MCTP2: variants seen among roughly 807,000 people sequenced by gnomAD.
MCTP2 encodes the protein multiple C2 and transmembrane domain containing 2.
Under a neutral mutation model 111.6 loss-of-function variants are expected in MCTP2, and 132 were observed. The ratio of observed to expected loss-of-function variants is 1.18; its 90% CI spans 1.03 to 1.37. The LOEUF is 1.37. MCTP2 is among the 40% of genes most tolerant of loss of function. The pLI, the probability that MCTP2 is intolerant of heterozygous loss-of-function variation, is 0.00. For missense variants in MCTP2, 1,183 were observed against 1,067.9 expected (o/e 1.11, Z -1.50); for synonymous variants, 395 against 387.7 (o/e 1.02, Z -0.22).
chr15:94,361,096 T>G lies in MCTP2; in HGVS notation c.1301+2484T>G, dbSNP rs912880269. 2.2e-5 allele frequency among the ~76,000 whole-genome samples: 3 copies of G among 137,358 alleles called. No individual in the cohort carries two copies. In the South Asian group the frequency reaches 7.2e-4, roughly 33 times the overall value. The allele number at this position is 137,358 out of a possible 152,430, so 90.1% of individuals were successfully genotyped here. A position where few individuals can be genotyped will look rare whatever the true frequency, so the allele number is the denominator to read the frequency against. On this transcript the variant is annotated intron_variant, in intron 10 of 22. Coordinates refer to ENST00000357742, the MANE Select transcript of MCTP2 (RefSeq NM_001385001.1). ...TTAAATATTTCAAGTTTTTTTTTTT[T>G]TTTTTTTTTTTTTTTTTTTTTAACA...
intron 5 of MCTP2, among the ~76,000 whole-genome samples, chr15:94,339,755 A>G (rs981759747): frequency 6.6e-6 from 1 of 152,222 alleles, no homozygotes; most frequent in African/African-American, 2.4e-5. Flanking sequence ...TAGAGCTTCA[A>G]GCTACCCCTT....
chr15:94,287,822 A>C (rs1172218395), intron 1 of MCTP2, among the ~76,000 whole-genome samples: 1 of 152,172 alleles, frequency 6.6e-6, no homozygotes, highest in Non-Finnish European at 1.5e-5. Flanking sequence ...ATCCAGCGTG[A>C]ATTTAATGCA....
chr15:94,471,175 A>G (rs2152540798), intron 21 of MCTP2, among the ~76,000 whole-genome samples: 1 of 152,328 alleles, frequency 6.6e-6, no homozygotes, highest in Middle Eastern at 3.4e-3. Context: ...AGGGAACTGC[A>G]ATAACTGAAA....
intron 8 of MCTP2, among the ~76,000 whole-genome samples, chr15:94,352,290 G>C (rs2152419612): frequency 1.3e-5 from 2 of 152,306 alleles, no homozygotes; most frequent in South Asian, 4.1e-4. Context: ...TGTTTTCAAA[G>C]CTCTTTTACA....
At chr15:94,266,585 C>T (rs2073548664) in intron 1 of MCTP2, among the ~76,000 whole-genome samples, 1 of 152,048 alleles carries the variant, frequency 6.6e-6, no homozygotes, top group Non-Finnish European at 1.5e-5. Context: ...TTCTCCCTGC[C>T]CACACTGAGG....
intron 2 of MCTP2, among the ~76,000 whole-genome samples, chr15:94,307,378 A>T (rs1363786341): frequency 2.0e-5 from 3 of 152,146 alleles, no homozygotes; most frequent in Non-Finnish European, 4.4e-5. Context: ...GGTTGTGTGC[A>T]TAGCTAGAGA....
intron 1 of MCTP2, among the ~76,000 whole-genome samples, chr15:94,257,566 GTTGTTTTTTTTTTTTT>G (rs780095627): frequency 0.015 from 1,131 of 72,986 alleles, 98 homozygotes; most frequent in Non-Finnish European, 0.022. Context: ...CATTTTCTTT[GTTGTTTTTTTTTTTTT>G]TTTTTTTTTT....
intron 20 of MCTP2, among the ~76,000 whole-genome samples, chr15:94,469,077 A>G (rs293583): frequency 5.9e-5 from 9 of 152,344 alleles, no homozygotes; most frequent in Non-Finnish European, 1.2e-4. Context: ...CATTCTAAAT[A>G]TGTGAACAAT....
At chr15:94,447,443 G>A (rs1013029694) in intron 19 of MCTP2, among the ~76,000 whole-genome samples, 7 of 152,250 alleles carry the variant, frequency 4.6e-5, no homozygotes, top group Non-Finnish European at 7.3e-5. Flanking sequence ...TGCCCGGGCA[G>A]GAGTGCAGTG....
intron 19 of MCTP2, among the ~76,000 whole-genome samples, chr15:94,455,368 G>T (rs1226110444): frequency 1.3e-5 from 2 of 151,856 alleles, no homozygotes; most frequent in African/African-American, 2.4e-5. Context: ...AATAGATTGA[G>T]AATATTGTCC....
At chr15:94,478,817 A>T in intron 22 of MCTP2, 149 bp from the exon 23 acceptor site, 1 of 643,250 alleles carries the variant, frequency 1.6e-6, no homozygotes. Context: ...CCTGCAATTA[A>T]TCCCTCCATG....
chr15:94,433,504 G>T (rs568351342), intron 17 of MCTP2, among the ~76,000 whole-genome samples: 3 of 152,220 alleles, frequency 2.0e-5, no homozygotes, highest in Non-Finnish European at 4.4e-5. Context: ...CTACTGTGTG[G>T]ATATATTCAC....
chr15:94,401,035 G>A lies in MCTP2; in HGVS notation c.1966-865G>A, dbSNP rs199534640. On this transcript the variant is annotated intron_variant, in intron 16 of 22. Transcript: ENST00000357742. ...AGTTAAAACCTGGGTTGAGGTGGGT[G>A]GGGTAGCTGCTTTGCAAGCACATTG... 8.5e-5 allele frequency among the ~76,000 whole-genome samples: 13 copies of A among 152,226 alleles called. No individual in the cohort carries two copies. The East Asian group carries it at 1.7e-3, about 20-fold the overall frequency.
chr15:94,377,512 G>A (rs1369782944), intron 12 of MCTP2, among the ~76,000 whole-genome samples: 1 of 152,156 alleles, frequency 6.6e-6, no homozygotes, highest in African/African-American at 2.4e-5. Context: ...GCACCGTGAG[G>A]GTGAATGAAT....
At chr15:94,435,159 C>T (rs1382712502) in intron 17 of MCTP2, among the ~76,000 whole-genome samples, 2 of 152,136 alleles carry the variant, frequency 1.3e-5, no homozygotes, top group African/African-American at 4.8e-5. Flanking sequence ...GCCACCGTAC[C>T]CAGCCTGCAT....
intron 1 of MCTP2, among the ~76,000 whole-genome samples, chr15:94,243,802 CGTATATACATATATGTATACACATATGT>C (rs1567254234): frequency 1.4e-5 from 2 of 141,394 alleles, no homozygotes; most frequent in African/African-American, 5.3e-5. Flanking sequence ...TACACATATG[CGTATATACATATATGTATACACATATGT>C]ATATATTTAT....
At chr15:94,276,930 G>A (rs1245422780) in intron 1 of MCTP2, among the ~76,000 whole-genome samples, 1 of 124,954 alleles carries the variant, frequency 8.0e-6, no homozygotes, top group East Asian at 2.3e-4. Context: ...CTACTGTTAC[G>A]TATTGAGTTG....
In MCTP2 at chr15:94,298,614, G is replaced by C. The variant is rs769511317; in HGVS notation, c.349G>C (p.Glu117Gln). Residue 117 changes from glutamate (E) to glutamine (Q), a missense_variant, in exon 2 of 23, where the codon GAA becomes CAA. Physicochemically the swap from Glu to Gln is conservative, Grantham distance 29. Coordinates refer to ENST00000357742, the MANE Select transcript of MCTP2 (RefSeq NM_001385001.1). ...QEEASHLHVVETDSEEAYASP... is the reference protein window; with the variant it reads ...QEEASHLHVVQTDSEEAYASP... ...AGAAGCCAGTCACCTCCATGTGGTG[G>C]AAACAGACTCAGAGGAGGCCTATGC... is the stretch of plus-strand genomic sequence containing the variant. The C allele has an allele frequency of 1.9e-5, 31 of 1,614,004 alleles. No individual in the cohort carries two copies. The highest frequency in any genetic ancestry group is 2.5e-5 in the Non-Finnish European group (30 of 1,180,010).
intron 4 of MCTP2, among the ~76,000 whole-genome samples, chr15:94,326,810 C>G: frequency 2.2e-5 from 1 of 46,198 alleles, no homozygotes; most frequent in African/African-American, 8.3e-5. Flanking sequence ...TCAGGTGATC[C>G]CCGCCCCACC....
Sources: gnomAD v4.1 joint callset for allele counts (sites outside exome capture counted in the v4.1 genomes callset) on GRCh38, gnomAD v4.1.1 for gene constraint, MANE v1.5 for transcripts, NCBI Gene and HGNC (gene_info 2026-07-23, HGNC 2026-07-21) for gene names.